The following FHOD3 variants were observed in gnomAD, a reference collection of about 807,000 sequenced individuals.
FHOD3 encodes the protein FH1/FH2 domain-containing protein 3.
A neutral mutation model predicts 173.0 loss-of-function variants in FHOD3; 90 were observed. That is an observed-to-expected ratio of 0.52 (90% CI 0.44 to 0.62). The LOEUF is 0.62. Ranked by LOEUF, FHOD3 falls within the 20% of genes least tolerant of loss-of-function variation. The pLI is 0.00. For missense variants in FHOD3, 1,945 were observed against 2,034.7 expected (o/e 0.96, Z 0.85); for synonymous variants, 828 against 823.0 (o/e 1.01, Z -0.10).
chr18:36,742,658 C>A (rs143423311), intron 21 of FHOD3, 79 bp from the exon 22 acceptor site: 46 of 1,474,290 alleles, frequency 3.1e-5, no homozygotes, highest in Non-Finnish European at 3.7e-5. Flanking sequence ...GTGTGTTATT[C>A]CCTTATACAA....
At chr18:36,545,435 C>G (rs914996122) in intron 5 of FHOD3, among the ~76,000 whole-genome samples, 10 of 152,078 alleles carry the variant, frequency 6.6e-5, no homozygotes, top group African/African-American at 2.4e-4. Context: ...TAATGTTTCA[C>G]CCAAAGAATG....
intron 5 of FHOD3, among the ~76,000 whole-genome samples, chr18:36,552,403 C>T (rs2057694224): frequency 6.6e-6 from 1 of 152,118 alleles, no homozygotes. Flanking sequence ...TGGGCTGAGA[C>T]TATCGGGTTT....
chr18:36,681,937 A>C (rs1301151402), intron 15 of FHOD3, among the ~76,000 whole-genome samples: 2 of 152,226 alleles, frequency 1.3e-5, no homozygotes, highest in Non-Finnish European at 2.9e-5. Flanking sequence ...TCAGATGCCC[A>C]AAAAGAAATG....
rs1479827950 is a variant in FHOD3, at chr18:36,658,188, G to A, written c.1835G>A (p.Arg612Lys). Residue 612 changes from arginine (R) to lysine (K), a missense_variant and splice_region_variant, in exon 14 of 29, where the codon AGG becomes AAG. This residue lies in a region of FHOD3 where 1,099 missense variants were observed against 1,051.2 expected (regional missense o/e 1.05). Coordinates refer to ENST00000590592, the MANE Select transcript of FHOD3 (RefSeq NM_001281740.3). ...CCCCCACAGGAGGCCAGGTTGGAAAGGTGAGTTCGACAAGCACGCTGATAG... is the reference window on the plus strand; with the variant it reads ...CCCCCACAGGAGGCCAGGTTGGAAAAGTGAGTTCGACAAGCACGCTGATAG... ...VSPPQEARLE[R>K]SSPSGLLTSS... The A allele has an allele frequency of 1.9e-6, 3 of 1,580,080 alleles. No homozygotes were observed. The highest frequency in any genetic ancestry group is 1.7e-6 in the Non-Finnish European group (2 of 1,165,830).
intron 3 of FHOD3, among the ~76,000 whole-genome samples, chr18:36,449,450 C>G (rs534460826): frequency 6.6e-6 from 1 of 152,082 alleles, no homozygotes; most frequent in Non-Finnish European, 1.5e-5. Context: ...GACTTCAAGG[C>G]TTAAGGGTAC....
intron 26 of FHOD3, among the ~76,000 whole-genome samples, chr18:36,759,852 A>G (rs1366143944): frequency 6.6e-6 from 1 of 152,328 alleles, no homozygotes; most frequent in East Asian, 1.9e-4. Flanking sequence ...TGTTAATCTG[A>G]CTTTTTGTTC....
At chr18:36,656,688 G>A (rs1208663060) in intron 13 of FHOD3, among the ~76,000 whole-genome samples, 3 of 151,902 alleles carry the variant, frequency 2.0e-5, no homozygotes, top group Non-Finnish European at 4.4e-5. Flanking sequence ...TTGCACAGTT[G>A]TGATCAAACT....
chr18:36,634,792 T>A (rs1382736108), intron 10 of FHOD3, among the ~76,000 whole-genome samples: 1 of 152,118 alleles, frequency 6.6e-6, no homozygotes, highest in African/African-American at 2.4e-5. Context: ...TTATCATCAA[T>A]CCATGCCCTG....
intron 7 of FHOD3, among the ~76,000 whole-genome samples, chr18:36,596,357 G>GTTTTTTTTTTTTTTTTTTTTTTTTTTCTT (rs2030408034): frequency 2.3e-5 from 1 of 43,168 alleles, no homozygotes; most frequent in African/African-American, 8.4e-5. Context: ...TTTTTTTTTA[G>GTTTTTTTTTTTTTTTTTTTTTTTTTTCTT]TATTTTTAGT....
At chr18:36,685,151 G>A (rs1213513848) in intron 15 of FHOD3, among the ~76,000 whole-genome samples, 1 of 152,144 alleles carries the variant, frequency 6.6e-6, no homozygotes, top group African/African-American at 2.4e-5. Flanking sequence ...GTATATGTTG[G>A]CAGAGTAAGA....
At chr18:36,762,178 TG>T (rs2042910468) in intron 27 of FHOD3, among the ~76,000 whole-genome samples, 1 of 152,194 alleles carries the variant, frequency 6.6e-6, no homozygotes, top group Non-Finnish European at 1.5e-5. Context: ...ACGGTAGTAA[TG>T]ATAAATTCAA....
chr18:36,712,877 A>G lies in FHOD3; in HGVS notation c.2533+3486A>G, dbSNP rs748174242. On this transcript the variant is annotated intron_variant, in intron 18 of 28. Transcript: ENST00000590592. ...AAAAAAATTTTGTAAGAGGCTAGAAAGAAACATATTACCTATAGGGGAACA... is the reference window on the plus strand; with the variant it reads ...AAAAAAATTTTGTAAGAGGCTAGAAGGAAACATATTACCTATAGGGGAACA... 4.0e-5 allele frequency among the ~76,000 whole-genome samples: 6 copies of G among 148,342 alleles called. No homozygotes were observed. The South Asian group carries it at 8.3e-4, about 21-fold the overall frequency.
At chr18:36,724,839 C>T (rs982222563) in intron 19 of FHOD3, among the ~76,000 whole-genome samples, 6 of 152,188 alleles carry the variant, frequency 3.9e-5, no homozygotes, top group South Asian at 2.1e-4. Flanking sequence ...TGGAGGCTCC[C>T]GGTAGTTGGA....
chr18:36,723,882 T>A (rs1308707446), intron 19 of FHOD3, among the ~76,000 whole-genome samples: 2 of 152,226 alleles, frequency 1.3e-5, no homozygotes, highest in African/African-American at 4.8e-5. Flanking sequence ...TGACTACTAT[T>A]AACTATTTAA....
intron 5 of FHOD3, among the ~76,000 whole-genome samples, chr18:36,562,210 T>A (rs1399803003): frequency 2.0e-5 from 3 of 152,042 alleles, no homozygotes; most frequent in Non-Finnish European, 2.9e-5. Flanking sequence ...AGAGACAGGA[T>A]TTCACCATGT....
intron 1 of FHOD3, among the ~76,000 whole-genome samples, chr18:36,298,285 C>G (rs1239336609): frequency 6.6e-6 from 1 of 151,990 alleles, no homozygotes; most frequent in Non-Finnish European, 1.5e-5. Flanking sequence ...AGAAGGCTCC[C>G]CCGAGCCGCG....
intron 1 of FHOD3, among the ~76,000 whole-genome samples, chr18:36,346,706 A>G (rs1235535379): frequency 1.3e-5 from 2 of 151,900 alleles, no homozygotes; most frequent in Non-Finnish European, 2.9e-5. Flanking sequence ...TGGCTTCTCC[A>G]TTTGTCTTCC....
intron 5 of FHOD3, among the ~76,000 whole-genome samples, chr18:36,521,719 T>C (rs1311694390): frequency 6.6e-6 from 1 of 152,176 alleles, no homozygotes; most frequent in East Asian, 1.9e-4. Flanking sequence ...GGATGGACCA[T>C]GCACCATGAT....
chr18:36,381,556 TC>T (rs747817854), intron 3 of FHOD3, among the ~76,000 whole-genome samples: 1 of 152,188 alleles, frequency 6.6e-6, no homozygotes, highest in Non-Finnish European at 1.5e-5. Context: ...GAGTCCCTGT[TC>T]TGGGTTTGGT....
Sources: gnomAD v4.1 joint callset for allele counts (sites outside exome capture counted in the v4.1 genomes callset) on GRCh38, gnomAD v4.1.1 for gene constraint, gnomAD v4.1.1 regional missense constraint, MANE v1.5 for transcripts, NCBI Gene and HGNC (gene_info 2026-07-23, HGNC 2026-07-21) for gene names.